SCFD2: variants seen among roughly 807,000 people sequenced by gnomAD.
SCFD2 encodes the protein sec1 family domain-containing protein 2.
A neutral mutation model predicts 58.9 loss-of-function variants in SCFD2; 54 were observed. The ratio of observed to expected loss-of-function variants is 0.92; its 90% confidence interval spans 0.74 to 1.15. The LOEUF is 1.15. Ranked by LOEUF, SCFD2 falls within the 50% of genes most tolerant of loss-of-function variation. SCFD2 has a pLI of 0.00. For missense variants in SCFD2, 805 were observed against 836.6 expected, an observed-to-expected ratio of 0.96 and a Z score of 0.47; for synonymous variants, 321 against 335.9, an observed-to-expected ratio of 0.96 and a Z score of 0.49.
intron 4 of SCFD2, among the ~76,000 whole-genome samples, chr4:53,245,300 A>G (rs1437638018): frequency 6.6e-6 from 1 of 152,092 alleles, no homozygotes; most frequent in Non-Finnish European, 1.5e-5. Context: ...GGAGACATCA[A>G]AAAAAGGGGA....
chr4:52,959,635 A>G lies in SCFD2; in HGVS notation c.1562-38765T>C, dbSNP rs1396326282. Among the ~76,000 whole-genome samples the G allele has an allele frequency of 2.6e-5, 4 of 152,088 alleles. No individual in the cohort carries two copies. The East Asian group carries it at 7.7e-4, about 29-fold the overall frequency. ...TCTTTAGATCAACTTTATATGACAC[A>G]AGCTCTTGCTTCGTATACGACACAG... On this transcript the variant is annotated intron_variant, in intron 5 of 8. Transcript: ENST00000401642.
intron 4 of SCFD2, among the ~76,000 whole-genome samples, chr4:53,233,399 C>A (rs1374137084): frequency 1.3e-5 from 2 of 152,136 alleles, no homozygotes; most frequent in Non-Finnish European, 1.5e-5. Context: ...AATGAAGACC[C>A]ACCCATATGC....
chr4:53,027,342 A>G (rs1722501903), intron 5 of SCFD2, among the ~76,000 whole-genome samples: 1 of 152,070 alleles, frequency 6.6e-6, no homozygotes, highest in Non-Finnish European at 1.5e-5. Flanking sequence ...ATGTAGGTAA[A>G]GTGGGCTGAC....
At chr4:53,178,482 A>G (rs1386336175) in intron 4 of SCFD2, among the ~76,000 whole-genome samples, 1 of 152,264 alleles carries the variant, frequency 6.6e-6, no homozygotes, top group African/African-American at 2.4e-5. Flanking sequence ...GGACATCCAC[A>G]CCAAAAACCC....
intron 7 of SCFD2, among the ~76,000 whole-genome samples, chr4:52,892,792 G>T (rs182991404): frequency 9.8e-5 from 15 of 152,312 alleles, no homozygotes; most frequent in African/African-American, 3.6e-4. Context: ...TTGGCAGGTA[G>T]GGAACCTGGT....
At chr4:53,104,464 A>G (rs1724927226) in intron 5 of SCFD2, among the ~76,000 whole-genome samples, 1 of 152,228 alleles carries the variant, frequency 6.6e-6, no homozygotes, top group Non-Finnish European at 1.5e-5. Flanking sequence ...GCCAAAGGTG[A>G]CGTGATGAGT....
intron 5 of SCFD2, among the ~76,000 whole-genome samples, chr4:53,072,143 C>G (rs1723833252): frequency 1.3e-5 from 2 of 152,064 alleles, no homozygotes; most frequent in African/African-American, 4.8e-5. Context: ...TAAAGAAAAT[C>G]TCATGTGCAA....
At chr4:53,143,795 T>TACACACACACACACACAC (rs113492027) in intron 5 of SCFD2, among the ~76,000 whole-genome samples, 1 of 146,558 alleles carries the variant, frequency 6.8e-6, no homozygotes, top group Non-Finnish European at 1.5e-5. Context: ...CACCTAAACA[T>TACACACACACACACACAC]ACACACACAC....
chr4:53,078,256 A>G (rs546008008), intron 5 of SCFD2, among the ~76,000 whole-genome samples: 87 of 152,202 alleles, frequency 5.7e-4, no homozygotes, highest in Admixed American at 1.3e-4. Context: ...TTAAAAACCC[A>G]GTCTATATCT....
At chr4:52,921,805 TCTCTGC>T in intron 5 of SCFD2, among the ~76,000 whole-genome samples, 1 of 152,316 alleles carries the variant, frequency 6.6e-6, no homozygotes, top group East Asian at 1.9e-4. Flanking sequence ...TGTCTGTCTC[TCTCTGC>T]CTCTGCCTCT....
chr4:53,096,368 C>T (rs1724634255), intron 5 of SCFD2, among the ~76,000 whole-genome samples: 1 of 152,212 alleles, frequency 6.6e-6, no homozygotes, highest in African/African-American at 2.4e-5. Flanking sequence ...TCCACATCCT[C>T]TCCAGCACCT....
intron 5 of SCFD2, among the ~76,000 whole-genome samples, chr4:53,033,550 A>G (rs1207595585): frequency 1.3e-5 from 2 of 152,134 alleles, no homozygotes; most frequent in African/African-American, 2.4e-5. Flanking sequence ...TCAAAAGAAC[A>G]ACAAAATAGA....
chr4:53,143,695 C>T (rs1327371452), intron 5 of SCFD2, among the ~76,000 whole-genome samples: 1 of 151,930 alleles, frequency 6.6e-6, no homozygotes, highest in Non-Finnish European at 1.5e-5. Flanking sequence ...GGACACTTCT[C>T]CCAGAGAGGC....
intron 2 of SCFD2, among the ~76,000 whole-genome samples, chr4:53,341,626 G>A (rs1184292155): frequency 2.0e-5 from 3 of 152,080 alleles, no homozygotes; most frequent in East Asian, 1.9e-4. Context: ...GACACTCTTC[G>A]AGAAGAGCAA....
intron 2 of SCFD2, among the ~76,000 whole-genome samples, chr4:53,350,605 A>C (rs1295613313): frequency 6.6e-6 from 1 of 152,230 alleles, no homozygotes; most frequent in African/African-American, 2.4e-5. Flanking sequence ...TCAAAGAGTA[A>C]CTTTATTTTT....
chr4:52,980,664 C>G (rs1015434074), intron 5 of SCFD2, among the ~76,000 whole-genome samples: 1 of 152,094 alleles, frequency 6.6e-6, no homozygotes, highest in Non-Finnish European at 1.5e-5. Flanking sequence ...AGTTGTTTCC[C>G]CAAAGGACAC....
chr4:53,206,868 C>T (rs778691132), intron 4 of SCFD2, among the ~76,000 whole-genome samples: 2 of 151,978 alleles, frequency 1.3e-5, no homozygotes, highest in Non-Finnish European at 2.9e-5. Flanking sequence ...ATTAACAGTG[C>T]CTGGTTGTCT....
At chr4:53,118,358 T>A (rs1725382210) in intron 5 of SCFD2, among the ~76,000 whole-genome samples, 1 of 152,214 alleles carries the variant, frequency 6.6e-6, no homozygotes, top group Non-Finnish European at 1.5e-5. Context: ...TAAGTCATAT[T>A]GGTGACTGCA....
chr4:53,029,683 T>G (rs1404860749), intron 5 of SCFD2, among the ~76,000 whole-genome samples: 12 of 152,220 alleles, frequency 7.9e-5, no homozygotes, highest in Non-Finnish European at 1.6e-4. Flanking sequence ...TATCCACACA[T>G]ATATGATCAA....
Sources: allele counts gnomAD v4.1 joint callset (sites outside exome capture counted in the v4.1 genomes callset), GRCh38; gene constraint gnomAD v4.1.1; transcripts MANE v1.5; gene names NCBI Gene and HGNC (gene_info 2026-07-23, HGNC 2026-07-21).